GPR83: variants seen among roughly 807,000 people sequenced by gnomAD.
GPR83 encodes the protein G-protein coupled receptor 72.
In GPR83, 23 loss-of-function variants were observed where a neutral mutation model predicts 28.0. The ratio of observed to expected loss-of-function variants is 0.82; its 90% CI spans 0.59 to 1.16. The LOEUF is 1.16. Among genes scored for constraint, GPR83 ranks in the 50% most tolerant of loss-of-function variants. The probability of loss-of-function intolerance (pLI) is 0.00; values close to 1 mark genes in which losing one functional copy is unlikely to be tolerated. For synonymous variants in GPR83, 234 were observed against 215.4 expected, an observed-to-expected ratio of 1.09 and a Z score of -0.76; for missense variants, 610 against 536.6, an observed-to-expected ratio of 1.14 and a Z score of -1.35.
chr11:94,396,366 G>A, intron 2 of GPR83, 33 bp downstream of exon 2: 1 of 1,606,174 alleles, frequency 6.2e-7, no homozygotes, highest in Non-Finnish European at 8.5e-7. Flanking sequence ...GCAAGAGAGG[G>A]AAGAGCAGAG....
chr11:94,388,516 T>C (rs375227485), intron 3 of GPR83, among the ~76,000 whole-genome samples: 2 of 152,116 alleles, frequency 1.3e-5, no homozygotes, highest in African/African-American at 2.4e-5. Context: ...ACAAGCATTC[T>C]TATACACCAA....
At chr11:94,391,858 C>T (rs1337525945) in intron 3 of GPR83, among the ~76,000 whole-genome samples, 1 of 152,190 alleles carries the variant, frequency 6.6e-6, no homozygotes, top group Non-Finnish European at 1.5e-5. Context: ...AATAGGAATG[C>T]TTTTACACTG....
At chr11:94,388,323 G>C (rs1053893509) in intron 3 of GPR83, among the ~76,000 whole-genome samples, 10 of 152,118 alleles carry the variant, frequency 6.6e-5, no homozygotes, top group African/African-American at 2.2e-4. Context: ...TTCTGGCCAG[G>C]GCAATCAGGC....
At position 94,379,944 on chromosome 11, in the gene GPR83, T is replaced by C. The variant is rs1944667703; in HGVS notation, c.*205A>G. 2.4e-6 allele frequency: 1 copy of C among 413,714 alleles called. No individual in the cohort carries two copies. The highest frequency in any genetic ancestry group is 4.3e-6 in the Non-Finnish European group (1 of 233,732). The allele number at this position is 413,714 out of a possible 1,614,324, so 25.6% of individuals were successfully genotyped here. On this transcript the variant is annotated 3_prime_UTR_variant, in exon 4 of 4. Transcript: ENST00000243673. The stretch of plus-strand genomic sequence containing the variant: ...TCCCAGTGTTTCTTAGATGGGAATT[T>C]ATGAACACATGTCTAGTTGGTGGTG...
In GPR83 at chr11:94,381,558, A is replaced by AGTGTGTGTGTGTGTGTGTGT. The variant is rs56180709; in HGVS notation, c.648-805_648-786dup. ...CCTGCTTTTGTCACAGGAGTGAGTG[A>AGTGTGTGTGTGTGTGTGTGT]GTGTGTGTGTGTGTGTGTGTGCGCG... is the stretch of plus-strand genomic sequence containing the variant. On this transcript the variant is annotated intron_variant, in intron 3 of 3. Coordinates refer to ENST00000243673, the MANE Select transcript of GPR83 (RefSeq NM_016540.4). Among the ~76,000 whole-genome samples the AGTGTGTGTGTGTGTGTGTGT allele has an allele frequency of 2.7e-5, 4 of 148,054 alleles. No individual in the cohort carries two copies. The Admixed American group carries it at 2.7e-4, about 10-fold the overall frequency.
At chr11:94,400,190 G>A (rs1480421191) in intron 1 of GPR83, among the ~76,000 whole-genome samples, 1 of 152,174 alleles carries the variant, frequency 6.6e-6, no homozygotes, top group Admixed American at 6.5e-5. Context: ...TCAGAGGGAG[G>A]GGGACCTGAT....
chr11:94,395,676 A>G (rs1360078499), intron 2 of GPR83, among the ~76,000 whole-genome samples: 2 of 152,218 alleles, frequency 1.3e-5, no homozygotes, highest in East Asian at 3.8e-4. Context: ...TTCACCATAT[A>G]TACCCATGAG....
intron 3 of GPR83, 102 bp from the exon 4 acceptor site, chr11:94,380,875 T>TCCTGG: frequency 1.1e-6 from 1 of 939,792 alleles, no homozygotes; most frequent in Non-Finnish European, 1.6e-6. Context: ...TCCACTGGGC[T>TCCTGG]CCTGGTACAT....
chr11:94,387,249 A>G (rs1944768523), intron 3 of GPR83, among the ~76,000 whole-genome samples: 1 of 152,250 alleles, frequency 6.6e-6, no homozygotes, highest in Admixed American at 6.5e-5. Flanking sequence ...TTGACACCCT[A>G]ACATCACAAT....
chr11:94,390,514 G>A (rs1486461193), intron 3 of GPR83, among the ~76,000 whole-genome samples: 3 of 152,272 alleles, frequency 2.0e-5, no homozygotes, highest in East Asian at 3.9e-4. Context: ...ATTCAAATGG[G>A]AAGAGAGGAA....
chr11:94,380,074 C>A lies in GPR83; in HGVS notation c.*75G>T. On this transcript the variant is annotated 3_prime_UTR_variant, in exon 4 of 4. Transcript: ENST00000243673. ...AGTGTGTTTCCAGCACTCTGAAGATCATGTGTGAGAATAGGCTCTCTTTCC... is the reference window on the plus strand; with the variant it reads ...AGTGTGTTTCCAGCACTCTGAAGATAATGTGTGAGAATAGGCTCTCTTTCC... 6 of 1,190,292 alleles carry A rather than the reference C, an allele frequency of 5.0e-6. No homozygotes were observed. Among genetic ancestry groups the A allele is most frequent in the Non-Finnish European group, 7.0e-6 (6 of 856,486 alleles). The allele number at this position is 1,190,292 out of a possible 1,614,324, so 73.7% of individuals were successfully genotyped here. A position where few individuals can be genotyped will look rare whatever the true frequency, so the allele number is the denominator to read the frequency against.
At chr11:94,380,794 G>A in intron 3 of GPR83, 21 bp from the exon 4 acceptor site, 1 of 1,585,568 alleles carries the variant, frequency 6.3e-7, no homozygotes. Context: ...GAAGTGGGGA[G>A]GGGGAGAGAG....
chr11:94,389,361 A>G (rs1343934908), intron 3 of GPR83, among the ~76,000 whole-genome samples: 2 of 152,244 alleles, frequency 1.3e-5, no homozygotes, highest in East Asian at 3.8e-4. Flanking sequence ...GCAGAGCAAA[A>G]GAAACTACCA....
chr11:94,384,418 G>A (rs772593025), intron 3 of GPR83, among the ~76,000 whole-genome samples: 30 of 152,182 alleles, frequency 2.0e-4, no homozygotes, highest in Non-Finnish European at 2.1e-4. Flanking sequence ...TGTGAGCGAC[G>A]CAGAAGACAA....
At chr11:94,394,127 G>A (rs1331334207) in intron 2 of GPR83, among the ~76,000 whole-genome samples, 12 of 152,154 alleles carry the variant, frequency 7.9e-5, no homozygotes, top group South Asian at 2.1e-4. Flanking sequence ...ATGGCACCAC[G>A]GCAAGGCTGG....
At chr11:94,386,900 A>T (rs879907589) in intron 3 of GPR83, among the ~76,000 whole-genome samples, 10 of 152,220 alleles carry the variant, frequency 6.6e-5, no homozygotes, top group Non-Finnish European at 1.3e-4. Flanking sequence ...CAGTGCACTT[A>T]TTCCAAAATT....
rs1391716864 is a variant in GPR83, at chr11:94,395,592, G to A, written c.513+807C>T. On this transcript the variant is annotated intron_variant, in intron 2 of 3. Coordinates refer to ENST00000243673, the MANE Select transcript of GPR83 (RefSeq NM_016540.4). ...TTCAGCGTAGGTCTAAGCGTACAAC[G>A]TGAGTTCATTGAGTAAGCATGGAAA... Among the ~76,000 whole-genome samples, 5 of 152,184 alleles carry A rather than the reference G, an allele frequency of 3.3e-5. No individual in the cohort carries two copies. In the South Asian group the frequency reaches 1.0e-3, roughly 32 times the overall value.
intron 2 of GPR83, among the ~76,000 whole-genome samples, chr11:94,395,371 C>T (rs1944856304): frequency 6.6e-6 from 1 of 152,208 alleles, no homozygotes; most frequent in Admixed American, 6.5e-5. Flanking sequence ...GAATAAATCT[C>T]ATCTTTCTGT....
At chr11:94,393,155 C>A (rs906194215) in intron 3 of GPR83, among the ~76,000 whole-genome samples, 3 of 152,180 alleles carry the variant, frequency 2.0e-5, no homozygotes, top group African/African-American at 7.2e-5. Context: ...ACACCTTGCT[C>A]CTTTTCAACA....
Sources: gnomAD v4.1 joint callset for allele counts (sites outside exome capture counted in the v4.1 genomes callset) on GRCh38, gnomAD v4.1.1 for gene constraint, MANE v1.5 for transcripts, NCBI Gene and HGNC (gene_info 2026-07-23, HGNC 2026-07-21) for gene names.